The following RHBDD1 variants were observed in gnomAD, a reference collection of about 807,000 sequenced individuals.
The protein encoded by RHBDD1 is rhomboid domain containing 1.
In RHBDD1, 38 loss-of-function variants were observed where a neutral mutation model predicts 36.3. That is an observed-to-expected ratio of 1.05 (90% CI 0.81 to 1.37). The LOEUF (loss-of-function observed/expected upper bound fraction) is 1.37. Ranked by LOEUF, RHBDD1 falls within the 40% of genes most tolerant of loss-of-function variation. RHBDD1 has a pLI of 0.00. For synonymous variants in RHBDD1, 151 were observed against 136.5 expected (o/e 1.11, Z -0.74); for missense variants, 393 against 377.6 (o/e 1.04, Z -0.34).
At chr2:226,846,466 G>A (rs567281110) in intron 3 of RHBDD1, among the ~76,000 whole-genome samples, 5 of 152,170 alleles carry the variant, frequency 3.3e-5, no homozygotes, top group South Asian at 2.1e-4. Flanking sequence ...AGTGTAGGCC[G>A]CGTACAGTGT....
chr2:226,919,366 C>T (rs1373387115), intron 8 of RHBDD1, among the ~76,000 whole-genome samples: 2 of 151,938 alleles, frequency 1.3e-5, no homozygotes, highest in Non-Finnish European at 2.9e-5. Flanking sequence ...TTGACCTGTG[C>T]TTGTGGAGTA....
chr2:226,850,865 C>T (rs1942742651), intron 3 of RHBDD1, among the ~76,000 whole-genome samples: 1 of 152,126 alleles, frequency 6.6e-6, no homozygotes, highest in Non-Finnish European at 1.5e-5. Flanking sequence ...TTCCATGAGA[C>T]TTCTTTGGTG....
At chr2:226,878,569 C>T (rs1447942498) in intron 5 of RHBDD1, among the ~76,000 whole-genome samples, 2 of 152,212 alleles carry the variant, frequency 1.3e-5, no homozygotes, top group Non-Finnish European at 2.9e-5. Flanking sequence ...TTCCCGATGT[C>T]ACCAGGCTGT....
chr2:226,828,374 C>T, the RHBDD1 span, among the ~76,000 whole-genome samples: 1 of 152,126 alleles, frequency 6.6e-6, no homozygotes, highest in Non-Finnish European at 1.5e-5. Flanking sequence ...ATAATGCTGT[C>T]ATAAAATTAG....
intron 3 of RHBDD1, among the ~76,000 whole-genome samples, chr2:226,846,481 C>T (rs896218225): frequency 2.0e-5 from 3 of 152,084 alleles, no homozygotes; most frequent in Non-Finnish European, 2.9e-5. Context: ...CAGTGTCTCA[C>T]GCCTGTAATC....
chr2:226,853,027 A>G (rs908108879), intron 3 of RHBDD1, among the ~76,000 whole-genome samples: 4 of 151,426 alleles, frequency 2.6e-5, no homozygotes, highest in African/African-American at 7.3e-5. Context: ...CATTGGCCTT[A>G]CAAAATGCTG....
chr2:226,830,847 T>G, upstream of RHBDD1, among the ~76,000 whole-genome samples: 1 of 152,152 alleles, frequency 6.6e-6, no homozygotes, highest in East Asian at 1.9e-4. Flanking sequence ...TTATTTAATT[T>G]GTTGTATAGA....
At chr2:226,933,808 G>T (rs995973787) in intron 8 of RHBDD1, among the ~76,000 whole-genome samples, 3 of 152,110 alleles carry the variant, frequency 2.0e-5, no homozygotes, top group African/African-American at 7.2e-5. Context: ...GAGGAAGCTA[G>T]GAGCATTCCT....
intron 8 of RHBDD1, among the ~76,000 whole-genome samples, chr2:226,980,535 AC>A (rs1320285987): frequency 2.0e-5 from 3 of 151,956 alleles, no homozygotes; most frequent in Admixed American, 6.6e-5. Flanking sequence ...TCCTGAAGAC[AC>A]CCCTCGTGTT....
At chr2:226,887,703 C>T (rs772610802) in intron 5 of RHBDD1, among the ~76,000 whole-genome samples, 1 of 152,168 alleles carries the variant, frequency 6.6e-6, no homozygotes, top group Non-Finnish European at 1.5e-5. Flanking sequence ...TAAAAACTGT[C>T]AGGTGTATGT....
At chr2:226,914,422 T>A in intron 8 of RHBDD1, 71 bp downstream of exon 8, 8 of 1,504,912 alleles carry the variant, frequency 5.3e-6, no homozygotes, top group Non-Finnish European at 7.2e-6. Context: ...AAAAGAGCTA[T>A]TTGTAGCAAA....
At position 226,942,528 on chromosome 2, in the gene RHBDD1, C is replaced by T. The variant is rs984524549; in HGVS notation, c.856+28177C>T. The T allele has an allele frequency of 1.4e-5, 5 of 368,446 alleles. No homozygotes were observed. In the East Asian group the frequency reaches 3.7e-4, roughly 27 times the overall value. The allele number at this position is 368,446 out of a possible 1,614,324, so 22.8% of individuals were successfully genotyped here. On this transcript the variant is annotated intron_variant, in intron 8 of 8. Transcript: ENST00000392062. ...TGCTGGGATTACAGGCGTGAGCCACCGTGCCCAGCCGTTGTGATCATCTTG... is the reference window on the plus strand; with the variant it reads ...TGCTGGGATTACAGGCGTGAGCCACTGTGCCCAGCCGTTGTGATCATCTTG...
At chr2:226,994,363 G>A (rs1958932600) in intron 8 of RHBDD1, among the ~76,000 whole-genome samples, 1 of 152,058 alleles carries the variant, frequency 6.6e-6, no homozygotes. Flanking sequence ...CTGGCAGGAT[G>A]TGGTGATGAT....
intron 5 of RHBDD1, among the ~76,000 whole-genome samples, chr2:226,902,784 G>A (rs928161684): frequency 3.3e-5 from 5 of 152,078 alleles, no homozygotes; most frequent in Admixed American, 1.3e-4. Context: ...TGAGTTCTCC[G>A]GACTGCCAGC....
intron 3 of RHBDD1, among the ~76,000 whole-genome samples, chr2:226,851,220 TTCTC>T (rs1942782679): frequency 6.6e-6 from 1 of 152,096 alleles, no homozygotes; most frequent in South Asian, 2.1e-4. Flanking sequence ...TCCTCTCCAT[TTCTC>T]TCTGTGTGTT....
chr2:226,894,225 A>G (rs1308585920), intron 5 of RHBDD1, among the ~76,000 whole-genome samples: 1 of 152,144 alleles, frequency 6.6e-6, no homozygotes, highest in Non-Finnish European at 1.5e-5. Context: ...GCTACTTTAT[A>G]TGTCTCCTGC....
chr2:226,815,870 C>G, the RHBDD1 span, among the ~76,000 whole-genome samples: 1 of 152,150 alleles, frequency 6.6e-6, no homozygotes, highest in East Asian at 1.9e-4. Context: ...TTTTCTCTCT[C>G]TATTATAACA....
intron 8 of RHBDD1, among the ~76,000 whole-genome samples, chr2:226,954,074 G>C (rs1951616687): frequency 6.6e-6 from 1 of 152,162 alleles, no homozygotes; most frequent in Non-Finnish European, 1.5e-5. Flanking sequence ...AACGACTGTT[G>C]ATCGAATACC....
the RHBDD1 span, chr2:226,804,366 C>T: frequency 6.6e-6 from 1 of 152,146 alleles, no homozygotes; most frequent in Non-Finnish European, 1.5e-5. Flanking sequence ...TTGGCTTAAA[C>T]ACAAAGAAAA....
Sources: gnomAD v4.1 joint callset for allele counts (sites outside exome capture counted in the v4.1 genomes callset) on GRCh38, gnomAD v4.1.1 for gene constraint, MANE v1.5 for transcripts, NCBI Gene and HGNC (gene_info 2026-07-23, HGNC 2026-07-21) for gene names.